The following OPTN variants were observed in gnomAD, a reference collection of about 807,000 sequenced individuals.
OPTN encodes the protein optineurin.
In OPTN, 54 loss-of-function variants were observed where a neutral mutation model predicts 70.4. The ratio of observed to expected loss-of-function variants is 0.77; its 90% confidence interval spans 0.62 to 0.96. The LOEUF is 0.96. Among genes scored for constraint, OPTN ranks in the 40% least tolerant of loss-of-function variants. OPTN has a pLI of 0.00. For synonymous variants in OPTN, 256 were observed against 248.5 expected (o/e 1.03, Z -0.28); for missense variants, 624 against 673.2 (o/e 0.93, Z 0.81).
rs959069574 is a variant in OPTN at position 13,110,307 on chromosome 10, G to A, written c.200G>A (p.Gly67Glu). Reference sequence around the variant, plus strand: ...AAGCTAAATAATCAAGCCATGAAAGGGAGATTTGAGGAGCTTTCGGCCTGG... The same window carrying A: ...AAGCTAAATAATCAAGCCATGAAAGAGAGATTTGAGGAGCTTTCGGCCTGG... ...AMKLNNQAMK[G>E]RFEELSAWTE... Residue 67 changes from glycine to glutamate, a missense_variant, in exon 4 of 15, where the codon GGG becomes GAG. Gly to Glu is a moderately conservative substitution (Grantham distance 98). Transcript: ENST00000378747. The A allele has an allele frequency of 1.4e-5, 22 of 1,613,966 alleles. No homozygotes were observed. The highest frequency in any genetic ancestry group is 1.7e-5 in the Non-Finnish European group (20 of 1,180,022).
intron 12 of OPTN, among the ~76,000 whole-genome samples, chr10:13,130,305 G>A (rs1484743444): frequency 6.6e-6 from 1 of 151,284 alleles, no homozygotes; most frequent in African/African-American, 2.4e-5. Context: ...GGCACCTGTA[G>A]TCCCAGCTAC....
chr10:13,136,340 T>C (rs1467381528), intron 14 of OPTN, among the ~76,000 whole-genome samples: 3 of 151,492 alleles, frequency 2.0e-5, no homozygotes, highest in African/African-American at 4.9e-5. Flanking sequence ...AAACCACATC[T>C]CTACTAAAAA....
At chr10:13,115,292 CTATAATA>C (rs1265297814) in intron 5 of OPTN, among the ~76,000 whole-genome samples, 4 of 40,972 alleles carry the variant, frequency 9.8e-5, no homozygotes, top group East Asian at 7.4e-4. Flanking sequence ...ATAATATATT[CTATAATA>C]TATAATATAT....
At chr10:13,132,944 G>A (rs1833624324) in intron 13 of OPTN, among the ~76,000 whole-genome samples, 1 of 152,018 alleles carries the variant, frequency 6.6e-6, no homozygotes, top group Admixed American at 6.5e-5. Context: ...AAAGGGAGTT[G>A]TAGTTAGAAT....
chr10:13,101,654 T>C (rs1339482189), intron 1 of OPTN, among the ~76,000 whole-genome samples: 1 of 152,082 alleles, frequency 6.6e-6, no homozygotes, highest in African/African-American at 2.4e-5. Flanking sequence ...AAAGAAAAAA[T>C]TAAAAGTTTT....
chr10:13,104,832 G>C (rs567512574), intron 1 of OPTN: 7 of 422,762 alleles, frequency 1.7e-5, no homozygotes, highest in Admixed American at 8.6e-5. Flanking sequence ...TGGCATTCGA[G>C]ATCTTCAAGG....
intron 12 of OPTN, among the ~76,000 whole-genome samples, chr10:13,130,997 G>A (rs566170981): frequency 1.4e-4 from 21 of 152,266 alleles, no homozygotes; most frequent in East Asian, 1.4e-3. Context: ...GTGGTTCACT[G>A]CAACCTCTAT....
At chr10:13,115,176 AT>A (rs373026863) in intron 5 of OPTN, among the ~76,000 whole-genome samples, 4 of 57,334 alleles carry the variant, frequency 7.0e-5, no homozygotes, top group Non-Finnish European at 9.9e-5. Context: ...ATATATCTAT[AT>A]TTTATATATA....
At chr10:13,122,637 C>A (rs545242817) in intron 8 of OPTN, 150 bp downstream of exon 8, 1 of 710,550 alleles carries the variant, frequency 1.4e-6, no homozygotes, top group African/African-American at 1.8e-5. Flanking sequence ...TTTTATATGT[C>A]CTTGTCCTGC....
At chr10:13,130,168 T>C (rs1478157621) in intron 12 of OPTN, among the ~76,000 whole-genome samples, 1 of 152,156 alleles carries the variant, frequency 6.6e-6, no homozygotes, top group Non-Finnish European at 1.5e-5. Context: ...GGCTCACACC[T>C]GTAATCCCAG....
chr10:13,121,243 G>T (rs1025556435), intron 7 of OPTN, among the ~76,000 whole-genome samples: 23 of 152,174 alleles, frequency 1.5e-4, no homozygotes, highest in Non-Finnish European at 2.5e-4. Context: ...GCACTCGAGA[G>T]ATAGTGCCTT....
intron 4 of OPTN, among the ~76,000 whole-genome samples, chr10:13,110,994 A>G (rs561151688): frequency 6.1e-4 from 93 of 152,270 alleles, no homozygotes; most frequent in African/African-American, 2.1e-3. Flanking sequence ...AAAGAGACAC[A>G]TTTTTCTTAA....
At chr10:13,100,695 G>A (rs1281358803) in intron 1 of OPTN, among the ~76,000 whole-genome samples, 1 of 152,222 alleles carries the variant, frequency 6.6e-6, no homozygotes, top group Non-Finnish European at 1.5e-5. Context: ...TGGGAGACAT[G>A]GGACCACTAC....
intron 6 of OPTN, among the ~76,000 whole-genome samples, chr10:13,118,641 G>T (rs1833272819): frequency 6.6e-6 from 1 of 152,200 alleles, no homozygotes; most frequent in African/African-American, 2.4e-5. Context: ...TTTGGAGGAC[G>T]TGGGTGTGTG....
chr10:13,120,643 C>T (rs972255748), intron 7 of OPTN, among the ~76,000 whole-genome samples: 4 of 151,256 alleles, frequency 2.6e-5, no homozygotes, highest in African/African-American at 9.7e-5. Flanking sequence ...GAGTTTGTTT[C>T]TGTGTATGTT....
At chr10:13,129,709 A>ATTCT (rs1833552224) in intron 12 of OPTN, among the ~76,000 whole-genome samples, 1 of 152,198 alleles carries the variant, frequency 6.6e-6, no homozygotes, top group Non-Finnish European at 1.5e-5. Context: ...CTGTCTTCTA[A>ATTCT]AACTGCCTAA....
chr10:13,103,497 A>C (rs1299714967), intron 1 of OPTN, among the ~76,000 whole-genome samples: 1 of 152,224 alleles, frequency 6.6e-6, no homozygotes, highest in Non-Finnish European at 1.5e-5. Flanking sequence ...CACTAGAGCC[A>C]TCCCACAGTG....
intron 9 of OPTN, among the ~76,000 whole-genome samples, chr10:13,124,876 T>C (rs1056322088): frequency 6.6e-6 from 1 of 152,352 alleles, no homozygotes; most frequent in East Asian, 1.9e-4. Flanking sequence ...ATTTCTTCTA[T>C]ATACATTGTG....
intron 1 of OPTN, among the ~76,000 whole-genome samples, chr10:13,103,511 C>T (rs1372402011): frequency 6.6e-6 from 1 of 152,202 alleles, no homozygotes; most frequent in East Asian, 1.9e-4. Flanking sequence ...CACAGTGGAA[C>T]AGACAGTGCC....
Sources: allele counts gnomAD v4.1 joint callset (sites outside exome capture counted in the v4.1 genomes callset), GRCh38; gene constraint gnomAD v4.1.1; transcripts MANE v1.5; gene names NCBI Gene and HGNC (gene_info 2026-07-23, HGNC 2026-07-21).